Variants in EYS observed in about 807,000 individuals in gnomAD.
EYS encodes the protein protein eyes shut homolog.
A neutral mutation model predicts 282.1 loss-of-function variants in EYS; 250 were observed. The ratio of observed to expected loss-of-function variants is 0.89; its 90% CI spans 0.80 to 0.98. The LOEUF is 0.98. EYS is among the 50% of genes least tolerant of loss of function. The pLI, the probability that EYS is intolerant of heterozygous loss-of-function variation, is 0.00. For missense variants in EYS, 4,016 were observed against 3,709.0 expected, an observed-to-expected ratio of 1.08 and a Z score of -2.15; for synonymous variants, 1,355 against 1,282.9, an observed-to-expected ratio of 1.06 and a Z score of -1.20.
At chr6:64,387,405 A>G (rs568599886) in intron 29 of EYS, among the ~76,000 whole-genome samples, 2 of 152,202 alleles carry the variant, frequency 1.3e-5, no homozygotes, top group African/African-American at 2.4e-5. Context: ...GAGATATTAC[A>G]CTCAATTAAT....
intron 36 of EYS, among the ~76,000 whole-genome samples, chr6:63,810,045 T>C (rs1283234712): frequency 6.8e-6 from 1 of 147,668 alleles, no homozygotes; most frequent in Non-Finnish European, 1.5e-5. Flanking sequence ...ATCCAGACCA[T>C]ACTGGCTAAC....
At chr6:63,958,856 T>G (rs1765933658) in intron 35 of EYS, among the ~76,000 whole-genome samples, 1 of 152,162 alleles carries the variant, frequency 6.6e-6, no homozygotes, top group African/African-American at 2.4e-5. Context: ...AGCCCACTAT[T>G]GAGATCTACT....
chr6:65,396,792 A>G (rs1185684336), intron 7 of EYS, among the ~76,000 whole-genome samples: 1 of 152,076 alleles, frequency 6.6e-6, no homozygotes, highest in African/African-American at 2.4e-5. Context: ...TAACAGAGCC[A>G]TCAGAAGACA....
chr6:64,260,868 TC>T (rs1256814425), intron 30 of EYS, among the ~76,000 whole-genome samples: 2 of 152,038 alleles, frequency 1.3e-5, no homozygotes, highest in Non-Finnish European at 2.9e-5. Context: ...AATTTGTATA[TC>T]TTTTTTTAGT....
Position 63,720,411 on chromosome 6 carries a change from G to C in EYS, c.*185C>G. 1.9e-6 allele frequency: 1 copy of C among 521,366 alleles called. No homozygotes were observed. Among genetic ancestry groups the C allele is most frequent in the Non-Finnish European group, 3.3e-6 (1 of 302,036 alleles). The allele number at this position is 521,366 out of a possible 1,614,324, so 32.3% of individuals were successfully genotyped here. On this transcript the variant is annotated 3_prime_UTR_variant, in exon 43 of 43. Coordinates refer to ENST00000503581, the MANE Select transcript of EYS (RefSeq NM_001142800.2). ...AATCAAAATATATACAGATAAATTAGATGTAGGAAAAACAATCAGAACCTT... is the reference window on the plus strand; with the variant it reads ...AATCAAAATATATACAGATAAATTACATGTAGGAAAAACAATCAGAACCTT...
Position 65,065,935 on chromosome 6 carries a change from A to C in EYS, c.2024-8208T>G, listed in dbSNP as rs201367185. On this transcript the variant is annotated intron_variant, in intron 12 of 42. Transcript: ENST00000503581. ...AATGTAAATTTCATTGGCTGTCTAC[A>C]TTATTTACAGATATCTACAACTGAA... Among the ~76,000 whole-genome samples the C allele has an allele frequency of 3.9e-5, 6 of 152,164 alleles. No homozygotes were observed. In the East Asian group the frequency reaches 9.6e-4, roughly 24 times the overall value.
At chr6:64,125,432 C>T (rs887200333) in intron 31 of EYS, among the ~76,000 whole-genome samples, 1 of 151,558 alleles carries the variant, frequency 6.6e-6, no homozygotes, top group African/African-American at 2.4e-5. Flanking sequence ...GGCTTTCTTA[C>T]CAGCTTGCCC....
intron 28 of EYS, among the ~76,000 whole-genome samples, chr6:64,422,132 G>A (rs373185859): frequency 8.6e-5 from 13 of 151,920 alleles, no homozygotes; most frequent in South Asian, 6.2e-4. Flanking sequence ...TAGATAGATC[G>A]ATAGATTGAT....
intron 8 of EYS, among the ~76,000 whole-genome samples, chr6:65,364,101 TG>T (rs1375912519): frequency 2.7e-5 from 4 of 149,722 alleles, no homozygotes; most frequent in African/African-American, 7.2e-5. Context: ...AACTCTTGGA[TG>T]TTTTTTCTTA....
chr6:63,850,203 G>C (rs1196466017), intron 36 of EYS, among the ~76,000 whole-genome samples: 1 of 152,128 alleles, frequency 6.6e-6, no homozygotes, highest in Non-Finnish European at 1.5e-5. Flanking sequence ...ATGATTGATT[G>C]GTGTATCTGA....
At chr6:63,780,706 C>G (rs1454079930) in intron 39 of EYS, among the ~76,000 whole-genome samples, 3 of 152,154 alleles carry the variant, frequency 2.0e-5, no homozygotes, top group Non-Finnish European at 4.4e-5. Context: ...GTTGCCTGTT[C>G]ACTCTGATGG....
intron 31 of EYS, among the ~76,000 whole-genome samples, chr6:64,135,232 AC>A (rs1297490670): frequency 6.6e-6 from 1 of 151,992 alleles, no homozygotes; most frequent in Non-Finnish European, 1.5e-5. Context: ...TAACAGAAAA[AC>A]AAAGTTAGAC....
chr6:64,052,824 C>T (rs1770855469), intron 33 of EYS, among the ~76,000 whole-genome samples: 1 of 152,156 alleles, frequency 6.6e-6, no homozygotes, highest in Admixed American at 6.6e-5. Flanking sequence ...CTCATTCTCT[C>T]TTCTGCCACC....
At chr6:65,407,631 C>T (rs1391446479) in intron 5 of EYS, among the ~76,000 whole-genome samples, 6 of 152,034 alleles carry the variant, frequency 3.9e-5, no homozygotes, top group Admixed American at 1.3e-4. Flanking sequence ...GGTATAAACC[C>T]ATTTACTAGT....
At chr6:64,896,575 G>C (rs568659878) in intron 18 of EYS, among the ~76,000 whole-genome samples, 1 of 150,402 alleles carries the variant, frequency 6.6e-6, no homozygotes, top group South Asian at 2.1e-4. Context: ...GTATCCCAGT[G>C]GCACCTGAAA....
intron 35 of EYS, among the ~76,000 whole-genome samples, chr6:63,866,102 T>A (rs1158984562): frequency 6.6e-6 from 1 of 152,184 alleles, no homozygotes; most frequent in Non-Finnish European, 1.5e-5. Flanking sequence ...TTATAAAGTA[T>A]CCTGAGCAAG....
chr6:64,012,375 A>G (rs1768679251), intron 33 of EYS, among the ~76,000 whole-genome samples: 1 of 152,190 alleles, frequency 6.6e-6, no homozygotes, highest in African/African-American at 2.4e-5. Context: ...TGACAGCTCT[A>G]CATGAGAATA....
intron 12 of EYS, among the ~76,000 whole-genome samples, chr6:65,092,262 G>A (rs1480046872): frequency 1.3e-5 from 2 of 152,090 alleles, no homozygotes; most frequent in African/African-American, 4.8e-5. Context: ...AAGTTGCAAA[G>A]ATTCATACTA....
In EYS at chr6:65,345,461, T is replaced by C. The variant is rs575396806; in HGVS notation, c.1460-1284A>G. 9.4e-4 allele frequency among the ~76,000 whole-genome samples: 143 copies of C among 151,976 alleles called. 1 individual carries two copies. Among genetic ancestry groups the C allele is most frequent in the Middle Eastern group, 6.8e-3 (2 of 294 alleles). ...TTATGTAGTATTAGAATGAATACTTTATTGAAAATTTGGAGAACTTTAATA... is the reference window on the plus strand; with the variant it reads ...TTATGTAGTATTAGAATGAATACTTCATTGAAAATTTGGAGAACTTTAATA... On this transcript the variant is annotated intron_variant, in intron 9 of 42. Transcript: ENST00000503581.
Sources: allele counts gnomAD v4.1 joint callset (sites outside exome capture counted in the v4.1 genomes callset), GRCh38; gene constraint gnomAD v4.1.1; transcripts MANE v1.5; gene names NCBI Gene and HGNC (gene_info 2026-07-23, HGNC 2026-07-21).